Variants in AR observed in about 807,000 individuals in gnomAD.
AR encodes the protein dihydrotestosterone receptor.
AR carries 8 observed loss-of-function variants against 53.9 expected under a neutral mutation model. That is an observed-to-expected ratio of 0.15 (90% CI 0.09 to 0.27). The LOEUF (loss-of-function observed/expected upper bound fraction) is 0.27, where lower values mean the gene tolerates loss of function less well. Among genes scored for constraint, AR ranks in the 10% least tolerant of loss-of-function variants. AR has a pLI of 1.00. For synonymous variants in AR, 359 were observed against 316.4 expected, an observed-to-expected ratio of 1.13 and a Z score of -1.43; for missense variants, 639 against 742.5, an observed-to-expected ratio of 0.86 and a Z score of 1.62.
rs1263363942 is a variant in AR, at chrX:67,546,486, A to G, written c.1340A>G (p.Tyr447Cys). ...TTCACAGCCGAAGAAGGCCAGTTGTATGGACCGTGTGGTGGTGGTGGGGGT... is the reference window on the plus strand; with the variant it reads ...TTCACAGCCGAAGAAGGCCAGTTGTGTGGACCGTGTGGTGGTGGTGGGGGT... The part of the protein sequence containing the change: ...TLFTAEEGQL[Y>C]GPCGGGGGGG... Residue 447 changes from tyrosine to cysteine, a missense_variant, in exon 1 of 8, where the codon TAT (tyrosine) becomes TGT (cysteine). By Grantham distance (194) the Tyr-to-Cys change is radical (BLOSUM62 -2). Coordinates refer to ENST00000374690, the MANE Select transcript of AR (RefSeq NM_000044.6). 3 of 905,594 alleles carry G rather than the reference A, an allele frequency of 3.3e-6. No individual in the cohort carries two copies. Among genetic ancestry groups the G allele is most frequent in the Non-Finnish European group, 4.7e-6 (3 of 644,878 alleles). The allele number at this position is 905,594 out of a possible 1,213,427, so 74.6% of individuals were successfully genotyped here.
intron 1 of AR, among the ~76,000 whole-genome samples, chrX:67,611,203 T>C (rs1923865567): frequency 8.9e-6 from 1 of 112,059 alleles, no homozygotes; most frequent in South Asian, 3.7e-4. Context: ...TATTACCTTT[T>C]CCCTGCCAAA....
chrX:67,722,038 C>T, intron 6 of AR, 75 bp downstream of exon 6: 2 of 1,146,739 alleles, frequency 1.7e-6, no homozygotes, highest in Non-Finnish European at 2.4e-6. Context: ...GCCATTAAAA[C>T]ATTATTAGGG....
rs2147318217 is a variant in AR at position 67,545,896 on chromosome X, T to C, written c.750T>C (p.Gly250=). 1 of 1,210,395 alleles carries C rather than the reference T, an allele frequency of 8.3e-7. No individual in the cohort carries two copies. Among genetic ancestry groups the C allele is most frequent in the Admixed American group, 2.2e-5 (1 of 45,918 alleles). The part of the protein sequence containing the change: ...CKAVSVSMGL[G]VEALEHLSPG... The stretch of plus-strand genomic sequence containing the variant: ...CAGTGTCGGTGTCCATGGGCCTGGG[T>C]GTGGAGGCGTTGGAGCATCTGAGTC... Residue 250 remains glycine (G), a synonymous_variant, in exon 1 of 8, where the codon GGT becomes GGC. Coordinates refer to ENST00000374690, the MANE Select transcript of AR (RefSeq NM_000044.6).
chrX:67,600,491 A>C (rs760924187), intron 1 of AR, among the ~76,000 whole-genome samples: 1 of 110,981 alleles, frequency 9.0e-6, no homozygotes, highest in Non-Finnish European at 1.9e-5. Flanking sequence ...TCTAAAAATC[A>C]AAACAATTGA....
intron 1 of AR, among the ~76,000 whole-genome samples, chrX:67,637,610 C>G (rs903757452): frequency 1.0e-4 from 11 of 109,029 alleles, no homozygotes; most frequent in Non-Finnish European, 5.7e-5. Flanking sequence ...CAAGTCTTTG[C>G]TATTGTGAAT....
Position 67,726,414 on chromosome X carries a change from T to A in AR, c.*2573T>A, listed in dbSNP as rs2076157755. 5.7e-6 allele frequency: 1 copy of A among 173,973 alleles called. No homozygotes were observed. The highest frequency in any genetic ancestry group is 1.1e-5 in the Non-Finnish European group (1 of 91,116). 14.3% of individuals were successfully genotyped at this position (173,973 alleles called of 1,213,427 possible). A position where few individuals can be genotyped will look rare whatever the true frequency, so the allele number is the denominator to read the frequency against. On this transcript the variant is annotated 3_prime_UTR_variant, in exon 8 of 8. Coordinates refer to ENST00000374690, the MANE Select transcript of AR (RefSeq NM_000044.6). ...ATTTTCATCTTTTGTGATACACAGA[T>A]TGAATTATATCATTTTCATATCTCT...
At chrX:67,637,779 C>T (rs139770047) in intron 1 of AR, among the ~76,000 whole-genome samples, 63 of 111,411 alleles carry the variant, frequency 5.7e-4, no homozygotes, top group Middle Eastern at 4.6e-3. Flanking sequence ...AGGTCCTTTA[C>T]AAAATGAGCT....
intron 1 of AR, among the ~76,000 whole-genome samples, chrX:67,632,724 C>T (rs1253334847): frequency 8.9e-6 from 1 of 112,078 alleles, no homozygotes; most frequent in Non-Finnish European, 1.9e-5. Flanking sequence ...CAAATGATAC[C>T]ATCAAGAAAG....
intron 1 of AR, among the ~76,000 whole-genome samples, chrX:67,595,106 A>G (rs900509129): frequency 2.7e-5 from 3 of 111,559 alleles, no homozygotes; most frequent in Non-Finnish European, 5.6e-5. Flanking sequence ...AATATGTTTT[A>G]CATCAAAGGG....
intron 1 of AR, among the ~76,000 whole-genome samples, chrX:67,567,800 TG>T (rs1452971024): frequency 1.8e-5 from 2 of 112,057 alleles, no homozygotes; most frequent in Non-Finnish European, 3.8e-5. Context: ...AGAAGTAATT[TG>T]TAAATTCAGA....
chrX:67,714,416 C>T (rs1298111811), intron 4 of AR, among the ~76,000 whole-genome samples: 1 of 111,808 alleles, frequency 8.9e-6, no homozygotes, highest in Admixed American at 9.5e-5. Context: ...TCACGAAACT[C>T]AATTTTAGCT....
chrX:67,708,862 C>T (rs1049436756), intron 3 of AR, among the ~76,000 whole-genome samples: 1 of 112,056 alleles, frequency 8.9e-6, no homozygotes, highest in African/African-American at 3.2e-5. Flanking sequence ...TTCTAACAGT[C>T]AGGACCCTCA....
rs2147497419 is a variant in AR at position 67,686,007 on chromosome X, C to T, written c.1769-3C>T. On this transcript the variant is annotated splice_region_variant and splice_polypyrimidine_tract_variant and intron_variant, in intron 2 of 7. Transcript: ENST00000374690. Reference sequence around the variant, plus strand: ...CTATCAACTCTTGTATTTGTTCTCCCAGGGAAACAGAAGTACCTGTGCGCC... The same window carrying T: ...CTATCAACTCTTGTATTTGTTCTCCTAGGGAAACAGAAGTACCTGTGCGCC... The T allele has an allele frequency of 1.7e-6, 2 of 1,209,611 alleles. No individual in the cohort carries two copies. Among genetic ancestry groups the T allele is most frequent in the Non-Finnish European group, 2.2e-6 (2 of 893,742 alleles).
intron 5 of AR, among the ~76,000 whole-genome samples, chrX:67,720,061 G>C (rs1041120785): frequency 1.8e-5 from 2 of 111,934 alleles, no homozygotes; most frequent in Non-Finnish European, 3.8e-5. Flanking sequence ...TTTATCTGGA[G>C]ACTGCTGAAG....
At chrX:67,625,164 C>T (rs1275248012) in intron 1 of AR, among the ~76,000 whole-genome samples, 1 of 110,849 alleles carries the variant, frequency 9.0e-6, no homozygotes, top group Non-Finnish European at 1.9e-5. Flanking sequence ...ACAGTTCACT[C>T]ACAATATAAT....
intron 1 of AR, 101 bp downstream of exon 1, chrX:67,546,863 G>A: frequency 2.1e-6 from 2 of 957,483 alleles, no homozygotes; most frequent in Admixed American, 2.6e-5. Context: ...CACTCAGATT[G>A]CCCCTGGGAG....
rs112901266 is a variant in AR, at chrX:67,570,281, G to C, written c.1616+23519G>C. ...TGTCTGTGTTGTTGGCTCTACGTCT[G>C]TGCATATGCACCCACCGGGTTCATA... On this transcript the variant is annotated intron_variant, in intron 1 of 7. Coordinates refer to ENST00000374690, the MANE Select transcript of AR (RefSeq NM_000044.6). Among the ~76,000 whole-genome samples, 483 of 112,447 alleles carry C rather than the reference G, an allele frequency of 4.3e-3. 4 individuals carry two copies. The highest frequency in any genetic ancestry group is 0.015 in the African/African-American group (460 of 30,965).
In AR at chrX:67,694,911, T is replaced by C. The variant is rs1318860609; in HGVS notation, c.1885+8785T>C. The C allele has an allele frequency of 2.9e-6, 3 of 1,045,759 alleles. No individual in the cohort carries two copies. In the African/African-American group the frequency reaches 5.8e-5, roughly 20 times the overall value. The allele number at this position is 1,045,759 out of a possible 1,213,427, so 86.2% of individuals were successfully genotyped here. On this transcript the variant is annotated intron_variant, in intron 3 of 7. Coordinates refer to ENST00000374690, the MANE Select transcript of AR (RefSeq NM_000044.6). ...GCGGGACCAATAGTGTTTTCCTACC[T>C]CACAGGGATGTTGTGAGGACGGGCT...
At chrX:67,681,004 G>C (rs1049374361) in intron 2 of AR, 3 of 185,982 alleles carry the variant, frequency 1.6e-5, no homozygotes, top group Non-Finnish European at 3.0e-5. Flanking sequence ...GACTATTTAG[G>C]TAGTCAAGGG....
Sources: gnomAD v4.1 joint callset for allele counts (sites outside exome capture counted in the v4.1 genomes callset) on GRCh38, gnomAD v4.1.1 for gene constraint, MANE v1.5 for transcripts, NCBI Gene and HGNC (gene_info 2026-07-23, HGNC 2026-07-21) for gene names.